IGF2BP2: variants seen among roughly 807,000 people sequenced by gnomAD.
IGF2BP2 encodes insulin-like growth factor 2 mRNA-binding protein 2.
A neutral mutation model predicts 75.8 loss-of-function variants in IGF2BP2; 17 were observed. That is an observed-to-expected ratio of 0.22 (90% CI 0.15 to 0.34). The LOEUF (loss-of-function observed/expected upper bound fraction) is 0.34, where lower values mean the gene tolerates loss of function less well. Ranked by LOEUF, IGF2BP2 falls within the 10% of genes least tolerant of loss-of-function variation. The pLI is 1.00. For synonymous variants in IGF2BP2, 288 were observed against 295.6 expected (o/e 0.97, Z 0.26); for missense variants, 516 against 772.4 (o/e 0.67, Z 3.93).
intron 2 of IGF2BP2, among the ~76,000 whole-genome samples, chr3:185,727,133 G>A (rs1011341820): frequency 2.0e-5 from 3 of 151,300 alleles, no homozygotes; most frequent in Non-Finnish European, 4.4e-5. Flanking sequence ...CAGGAGAATC[G>A]CTTGAACCTG....
chr3:185,673,585 G>A (rs556384180), intron 9 of IGF2BP2, among the ~76,000 whole-genome samples: 92 of 152,326 alleles, frequency 6.0e-4, no homozygotes, highest in African/African-American at 2.2e-3. Context: ...CAGAGGCAGA[G>A]GAACGTGGTC....
At chr3:185,701,415 C>G (rs1477788599) in intron 2 of IGF2BP2, among the ~76,000 whole-genome samples, 1 of 150,608 alleles carries the variant, frequency 6.6e-6, no homozygotes, top group East Asian at 1.9e-4. Flanking sequence ...AAAAACCAAG[C>G]CTCATTTTCT....
chr3:185,823,028 C>A, intron 2 of IGF2BP2, 125 bp downstream of exon 2: 1 of 583,838 alleles, frequency 1.7e-6, no homozygotes, highest in Non-Finnish European at 3.0e-6. Context: ...TATGTATCTC[C>A]ACTAACAAAA....
intron 15 of IGF2BP2, 170 bp downstream of exon 15, chr3:185,646,855 T>C: frequency 1.6e-6 from 1 of 615,764 alleles, no homozygotes; most frequent in Non-Finnish European, 2.9e-6. Flanking sequence ...TGTGAAACAA[T>C]GTCCCCTGCC....
chr3:185,691,370 T>G (rs1721934284), intron 5 of IGF2BP2, among the ~76,000 whole-genome samples: 1 of 152,178 alleles, frequency 6.6e-6, no homozygotes, highest in Non-Finnish European at 1.5e-5. Context: ...AGGGCTGGGA[T>G]TACAGGCATG....
intron 2 of IGF2BP2, among the ~76,000 whole-genome samples, chr3:185,791,050 T>C (rs1277441705): frequency 6.6e-6 from 1 of 152,238 alleles, no homozygotes; most frequent in Non-Finnish European, 1.5e-5. Context: ...ATTTCTAAAA[T>C]AGCAGGAGTT....
intron 2 of IGF2BP2, among the ~76,000 whole-genome samples, chr3:185,739,706 A>T (rs1406809313): frequency 2.0e-5 from 3 of 152,168 alleles, no homozygotes; most frequent in Non-Finnish European, 2.9e-5. Flanking sequence ...AATGCAACCC[A>T]GATCTCGGCG....
intron 7 of IGF2BP2, among the ~76,000 whole-genome samples, chr3:185,677,068 T>TATATATATATATATATATATAGAG: frequency 3.9e-4 from 14 of 35,856 alleles, no homozygotes; most frequent in East Asian, 6.9e-4. Context: ...TATATATATA[T>TATATATATATATATATATATAGAG]AGAGAGAGAG....
At chr3:185,803,306 A>T (rs184314580) in intron 2 of IGF2BP2, among the ~76,000 whole-genome samples, 240 of 152,322 alleles carry the variant, frequency 1.6e-3, no homozygotes, top group Non-Finnish European at 1.9e-3. Context: ...AGCCGAGATC[A>T]TGCTACTGCA....
At chr3:185,724,007 CAG>C (rs1383182836) in intron 2 of IGF2BP2, among the ~76,000 whole-genome samples, 1 of 152,184 alleles carries the variant, frequency 6.6e-6, no homozygotes, top group Non-Finnish European at 1.5e-5. Context: ...CCAGACTATG[CAG>C]AGACAAATTT....
intron 2 of IGF2BP2, among the ~76,000 whole-genome samples, chr3:185,764,761 G>A (rs1019966193): frequency 2.8e-4 from 43 of 152,132 alleles, no homozygotes; most frequent in Admixed American, 2.6e-3. Flanking sequence ...GTAAGAAATC[G>A]TGTTGCCTCT....
intron 2 of IGF2BP2, among the ~76,000 whole-genome samples, chr3:185,790,152 C>A (rs185225318): frequency 6.6e-6 from 1 of 152,150 alleles, no homozygotes; most frequent in Non-Finnish European, 1.5e-5. Flanking sequence ...ACTGCTTCCT[C>A]GTCCTTCCTC....
intron 5 of IGF2BP2, among the ~76,000 whole-genome samples, chr3:185,690,999 A>T (rs1159373381): frequency 6.6e-6 from 1 of 152,226 alleles, no homozygotes; most frequent in African/African-American, 2.4e-5. Context: ...CCACCCAAGC[A>T]GCAGCTAGAT....
chr3:185,776,735 GAA>G (rs754073595), intron 2 of IGF2BP2, among the ~76,000 whole-genome samples: 2 of 151,968 alleles, frequency 1.3e-5, no homozygotes, highest in Non-Finnish European at 2.9e-5. Flanking sequence ...GTGCAAGGGA[GAA>G]AAAAAGAGCA....
rs76698877 is a variant in IGF2BP2 at position 185,818,082 on chromosome 3, G to A, written c.239+5071C>T. Among the ~76,000 whole-genome samples, 646 of 152,228 alleles carry A rather than the reference G, an allele frequency of 4.2e-3. 5 individuals carry two copies. The highest frequency in any genetic ancestry group is 0.015 in the African/African-American group (612 of 41,534). ...AATTCAACATTTTTAAGTCTCCAAA[G>A]AAACTATTTCAATATAACGCTTCTT... On this transcript the variant is annotated intron_variant, in intron 2 of 15. Coordinates refer to ENST00000382199, the MANE Select transcript of IGF2BP2 (RefSeq NM_006548.6).
Position 185,647,003 on chromosome 3 carries a change from C to G in IGF2BP2, c.1707+22G>C, listed in dbSNP as rs1560218328. ...ATTGAAAAGAGACTTGCAGGAGAGA[C>G]AGGGCCCTCACAGCACAGTACCTGG... On this transcript the variant is annotated intron_variant, in intron 15 of 15. Coordinates refer to ENST00000382199, the MANE Select transcript of IGF2BP2 (RefSeq NM_006548.6). This position sits in a 1 kb window ranked among gnomAD's most constrained non-coding sequence, Gnocchi z 4.9. The G allele has an allele frequency of 6.5e-7, 1 of 1,548,444 alleles. No homozygotes were observed. The highest frequency in any genetic ancestry group is 8.9e-7 in the Non-Finnish European group (1 of 1,120,360).
Position 185,645,261 on chromosome 3 carries a change from T to G in IGF2BP2, c.*270A>C. On this transcript the variant is annotated 3_prime_UTR_variant, in exon 16 of 16. Transcript: ENST00000382199. This position sits in a 1 kb window ranked among gnomAD's most constrained non-coding sequence, Gnocchi z 4.9. ...GGAGTTCAGGAGAGATCCGAGTGGA[T>G]GGTGAAGTGGATGGCTGAAGCCTGC... is the stretch of plus-strand genomic sequence containing the variant. The G allele has an allele frequency of 1.9e-6, 1 of 518,216 alleles. No individual in the cohort carries two copies. Among genetic ancestry groups the G allele is most frequent in the East Asian group, 3.1e-5 (1 of 32,194 alleles). 32.1% of individuals were successfully genotyped at this position (518,216 alleles called of 1,614,324 possible).
intron 2 of IGF2BP2, among the ~76,000 whole-genome samples, chr3:185,720,052 G>A (rs1726272625): frequency 6.6e-6 from 1 of 152,138 alleles, no homozygotes; most frequent in Non-Finnish European, 1.5e-5. Flanking sequence ...CGGAAAGTGG[G>A]AAAATATTCT....
At chr3:185,755,987 G>A (rs1445426703) in intron 2 of IGF2BP2, among the ~76,000 whole-genome samples, 1 of 152,156 alleles carries the variant, frequency 6.6e-6, no homozygotes, top group East Asian at 1.9e-4. Flanking sequence ...AGGGGCCAGA[G>A]ACAGAATGAC....
Sources: allele counts gnomAD v4.1 joint callset (sites outside exome capture counted in the v4.1 genomes callset), GRCh38; gene constraint gnomAD v4.1.1; non-coding constraint Gnocchi (gnomAD v3.1); transcripts MANE v1.5; gene names NCBI Gene and HGNC (gene_info 2026-07-23, HGNC 2026-07-21).